Variants in CDH6 observed in about 807,000 individuals in gnomAD.
The protein encoded by CDH6 is cadherin 6.
In CDH6, 31 loss-of-function variants were observed where a neutral mutation model predicts 78.0. That is an observed-to-expected ratio of 0.40 (90% CI 0.30 to 0.54). The LOEUF (loss-of-function observed/expected upper bound fraction) is 0.54. Ranked by LOEUF, CDH6 falls within the 20% of genes least tolerant of loss-of-function variation. The pLI is 0.56. For synonymous variants in CDH6, 376 were observed against 368.8 expected, an observed-to-expected ratio of 1.02 and a Z score of -0.23; for missense variants, 724 against 975.9, an observed-to-expected ratio of 0.74 and a Z score of 3.44.
chr5:31,290,850 A>T (rs1487178891), intron 2 of CDH6, among the ~76,000 whole-genome samples: 1 of 152,128 alleles, frequency 6.6e-6, no homozygotes, highest in African/African-American at 2.4e-5. Context: ...AAGAGAAGAG[A>T]TACATTTTCC....
intron 1 of CDH6, among the ~76,000 whole-genome samples, chr5:31,219,491 C>T (rs978797299): frequency 6.6e-5 from 10 of 152,110 alleles, no homozygotes; most frequent in African/African-American, 1.7e-4. Context: ...CCAGGCTCAA[C>T]ATATGACTGC....
intron 1 of CDH6, among the ~76,000 whole-genome samples, chr5:31,222,658 T>C (rs1313037391): frequency 2.0e-5 from 3 of 152,106 alleles, no homozygotes; most frequent in African/African-American, 7.2e-5. Context: ...TTTACACATA[T>C]AGAGATAAAT....
intron 2 of CDH6, among the ~76,000 whole-genome samples, chr5:31,287,183 T>A (rs1477701812): frequency 1.3e-5 from 2 of 152,092 alleles, no homozygotes; most frequent in Non-Finnish European, 2.9e-5. Context: ...GAGGATCTCA[T>A]GTGGGGAGAG....
chr5:31,291,588 T>A (rs1384194143), intron 2 of CDH6, among the ~76,000 whole-genome samples: 2 of 152,236 alleles, frequency 1.3e-5, no homozygotes, highest in African/African-American at 4.8e-5. Context: ...TGAACATGGC[T>A]CATGCCTAGG....
intron 1 of CDH6, chr5:31,251,813 T>A (rs2149924998): frequency 6.6e-6 from 1 of 152,334 alleles, no homozygotes; most frequent in East Asian, 1.9e-4. Context: ...CTTCTACCCA[T>A]CAAGCTGCCC....
chr5:31,222,200 G>A (rs1475873163), intron 1 of CDH6, among the ~76,000 whole-genome samples: 1 of 151,890 alleles, frequency 6.6e-6, no homozygotes, highest in Non-Finnish European at 1.5e-5. Flanking sequence ...TTTTAATATT[G>A]GAAATATGTA....
At chr5:31,241,127 A>G (rs1455403593) in intron 1 of CDH6, among the ~76,000 whole-genome samples, 1 of 152,214 alleles carries the variant, frequency 6.6e-6, no homozygotes, top group Non-Finnish European at 1.5e-5. Context: ...GAGAGGAGAA[A>G]ATGGACAAAG....
At chr5:31,279,445 G>T (rs1362682254) in intron 2 of CDH6, among the ~76,000 whole-genome samples, 1 of 152,068 alleles carries the variant, frequency 6.6e-6, no homozygotes, top group Non-Finnish European at 1.5e-5. Context: ...CAGGCGTGGT[G>T]GCATGCACCT....
intron 1 of CDH6, among the ~76,000 whole-genome samples, chr5:31,236,931 T>C (rs1056629652): frequency 6.6e-6 from 1 of 152,140 alleles, no homozygotes; most frequent in African/African-American, 2.4e-5. Flanking sequence ...ATCATGCTAA[T>C]AGGATGGTAA....
At chr5:31,222,167 G>A (rs1424534875) in intron 1 of CDH6, among the ~76,000 whole-genome samples, 1 of 151,998 alleles carries the variant, frequency 6.6e-6, no homozygotes, top group Non-Finnish European at 1.5e-5. Context: ...TTTCAATAGG[G>A]ATATTCACTA....
chr5:31,312,945 G>GCACACACACA lies in CDH6; in HGVS notation c.1254-356_1254-347dup, dbSNP rs3028834. On this transcript the variant is annotated intron_variant, in intron 7 of 11. Coordinates refer to ENST00000265071, the MANE Select transcript of CDH6 (RefSeq NM_004932.4). ...ACCAAAACCCTACATATGCATACAA[G>GCACACACACA]CACACACACACACACACACACACAC... Among the ~76,000 whole-genome samples, 662 of 149,290 alleles carry GCACACACACA rather than the reference G, an allele frequency of 4.4e-3. 6 individuals are homozygous for GCACACACACA. Among genetic ancestry groups the GCACACACACA allele is most frequent in the South Asian group, 0.018 (85 of 4,688 alleles).
At chr5:31,281,064 G>A (rs1376582311) in intron 2 of CDH6, among the ~76,000 whole-genome samples, 2 of 152,042 alleles carry the variant, frequency 1.3e-5, no homozygotes, top group Non-Finnish European at 2.9e-5. Context: ...TAAAAAAATA[G>A]TCATTTGTCT....
intron 1 of CDH6, among the ~76,000 whole-genome samples, chr5:31,205,812 T>C (rs1561022298): frequency 2.0e-5 from 3 of 152,162 alleles, no homozygotes; most frequent in Admixed American, 2.0e-4. Context: ...GGATTAAAAA[T>C]AAGAAAGATG....
chr5:31,218,269 C>T (rs188400916), intron 1 of CDH6, among the ~76,000 whole-genome samples: 63 of 152,160 alleles, frequency 4.1e-4, no homozygotes, highest in African/African-American at 1.4e-3. Context: ...GGACACAATG[C>T]TCAATCATTG....
At chr5:31,199,377 A>G (rs1181033172) in intron 1 of CDH6, among the ~76,000 whole-genome samples, 1 of 149,806 alleles carries the variant, frequency 6.7e-6, no homozygotes, top group Non-Finnish European at 1.5e-5. Context: ...TATATGATAT[A>G]TATGGTGTAT....
chr5:31,203,546 T>C (rs1428076944), intron 1 of CDH6, among the ~76,000 whole-genome samples: 2 of 146,186 alleles, frequency 1.4e-5, no homozygotes, highest in African/African-American at 5.1e-5. Flanking sequence ...TGATTTCCAA[T>C]TTCATCCATG....
intron 1 of CDH6, among the ~76,000 whole-genome samples, chr5:31,242,560 G>A (rs564809541): frequency 6.6e-5 from 10 of 152,272 alleles, no homozygotes; most frequent in South Asian, 2.1e-4. Flanking sequence ...ATGTAAGTCC[G>A]TTGATAGTAG....
chr5:31,226,752 A>G (rs1741162909), intron 1 of CDH6, among the ~76,000 whole-genome samples: 2 of 152,174 alleles, frequency 1.3e-5, no homozygotes, highest in African/African-American at 4.8e-5. Flanking sequence ...AACTAGGAAC[A>G]CAAATTCGTC....
intron 2 of CDH6, among the ~76,000 whole-genome samples, chr5:31,270,630 G>T (rs1054095310): frequency 6.6e-6 from 1 of 152,122 alleles, no homozygotes; most frequent in Non-Finnish European, 1.5e-5. Context: ...CTAGTAATTC[G>T]CAAGGGGTCT....
Sources: gnomAD v4.1 joint callset for allele counts (sites outside exome capture counted in the v4.1 genomes callset) on GRCh38, gnomAD v4.1.1 for gene constraint, MANE v1.5 for transcripts, NCBI Gene and HGNC (gene_info 2026-07-23, HGNC 2026-07-21) for gene names.